ST8SIA6: variants seen among roughly 807,000 people sequenced by gnomAD.
ST8SIA6 encodes ST8 alpha-N-acetyl-neuraminide alpha-2,8-sialyltransferase 6, also known as alpha-2,8-sialyltransferase 8F.
In ST8SIA6, 39 loss-of-function variants were observed where a neutral mutation model predicts 33.6. The observed-to-expected ratio is 1.16, with a 90% CI of 0.90 to 1.52. ST8SIA6 has a LOEUF of 1.52. Ranked by LOEUF, ST8SIA6 falls within the 40% of genes most tolerant of loss-of-function variation. The pLI is 0.00. For synonymous variants in ST8SIA6, 172 were observed against 167.2 expected, an observed-to-expected ratio of 1.03 and a Z score of -0.22; for missense variants, 441 against 443.8, an observed-to-expected ratio of 0.99 and a Z score of 0.06.
chr10:17,453,755 G>A, intron 1 of ST8SIA6, 98 bp from the exon 2 acceptor site: 1 of 936,978 alleles, frequency 1.1e-6, no homozygotes, highest in Non-Finnish European at 1.4e-6. Flanking sequence ...GGGAGATCTC[G>A]CACTCCCCGG....
Position 17,331,521 on chromosome 10 carries a change from G to T in ST8SIA6, c.409C>A (p.Gln137Lys), listed in dbSNP as rs1371219452. 1.2e-6 allele frequency: 2 copies of T among 1,612,364 alleles called. No homozygotes were observed. Among genetic ancestry groups the T allele is most frequent in the East Asian group, 2.2e-5 (1 of 44,814 alleles). Reference protein sequence around the residue: ...AKLASCCDAVQNFVVSQNNTP... With the variant: ...AKLASCCDAVKNFVVSQNNTP... The stretch of plus-strand genomic sequence containing the variant: ...TTATTCTGAGAAACAACAAAGTTTT[G>T]AACAGCATCACAGCAGGAAGCAAGT... The change falls in exon 5 of 8, where the codon CAA becomes AAA. Residue 137 changes from glutamine to lysine, a missense_variant. By Grantham distance (53) the Gln-to-Lys change is moderately conservative (BLOSUM62 1). Coordinates refer to ENST00000377602, the MANE Select transcript of ST8SIA6 (RefSeq NM_001004470.3).
intron 2 of ST8SIA6, chr10:17,408,057 G>A (rs1851331430): frequency 6.6e-6 from 1 of 152,606 alleles, no homozygotes; most frequent in Non-Finnish European, 1.5e-5. Flanking sequence ...CAGTGGCATG[G>A]TTCAGTCTTC....
intron 2 of ST8SIA6, among the ~76,000 whole-genome samples, chr10:17,437,783 T>G (rs1852332906): frequency 6.6e-6 from 1 of 151,242 alleles, no homozygotes; most frequent in South Asian, 2.1e-4. Flanking sequence ...CAGGCTGGAG[T>G]GCAGTGGCCC....
chr10:17,373,237 G>A (rs939036964), intron 3 of ST8SIA6, among the ~76,000 whole-genome samples: 9 of 152,174 alleles, frequency 5.9e-5, no homozygotes, highest in Non-Finnish European at 1.2e-4. Context: ...GCTTATAGAG[G>A]CTGTGCACAA....
chr10:17,362,823 T>C (rs1033986509), intron 3 of ST8SIA6, among the ~76,000 whole-genome samples: 1 of 152,162 alleles, frequency 6.6e-6, no homozygotes, highest in Non-Finnish European at 1.5e-5. Context: ...GCTATTCTCC[T>C]GCCTCAGCCT....
At chr10:17,413,784 A>T (rs560857999) in intron 2 of ST8SIA6, among the ~76,000 whole-genome samples, 1 of 152,352 alleles carries the variant, frequency 6.6e-6, no homozygotes, top group South Asian at 2.1e-4. Flanking sequence ...AAAGAAATCA[A>T]GATCTGTTTT....
chr10:17,378,786 A>G (rs987613102), intron 3 of ST8SIA6, among the ~76,000 whole-genome samples: 4 of 152,180 alleles, frequency 2.6e-5, no homozygotes, highest in African/African-American at 9.7e-5. Flanking sequence ...GAGTCCTGGC[A>G]GGAATGATGG....
At position 17,359,609 on chromosome 10, in the gene ST8SIA6, T is replaced by G; in HGVS notation, c.291-9A>C. On this transcript the variant is annotated splice_polypyrimidine_tract_variant and intron_variant, in intron 3 of 7. Transcript: ENST00000377602. ...AGTCGTTCTCTGAATACCTAAAAAT[T>G]AAATGTCAATATAATTAGAAAATAA... 1 of 1,536,422 alleles carries G rather than the reference T, an allele frequency of 6.5e-7. No individual in the cohort carries two copies. Among genetic ancestry groups the G allele is most frequent in the Non-Finnish European group, 8.9e-7 (1 of 1,120,994 alleles).
intron 3 of ST8SIA6, among the ~76,000 whole-genome samples, chr10:17,380,169 G>A (rs533519615): frequency 5.8e-4 from 89 of 152,242 alleles, no homozygotes; most frequent in Middle Eastern, 3.4e-3. Context: ...CCTCCTTTAT[G>A]GACCTTGAGC....
At chr10:17,424,167 A>G (rs1224372487) in intron 2 of ST8SIA6, among the ~76,000 whole-genome samples, 1 of 150,300 alleles carries the variant, frequency 6.7e-6, no homozygotes, top group African/African-American at 2.5e-5. Context: ...GCAGTGGTGC[A>G]ATCTCAGCTC....
Position 17,321,041 on chromosome 10 carries a change from G to A in ST8SIA6, c.1034C>T (p.Pro345Leu), listed in dbSNP as rs771153802. The A allele has an allele frequency of 1.2e-6, 2 of 1,613,966 alleles. No individual in the cohort carries two copies. The highest frequency in any genetic ancestry group is 1.1e-5 in the South Asian group (1 of 91,072). The change falls in exon 8 of 8, where the codon CCC becomes CTC. Residue 345 changes from proline (P) to leucine (L), a missense_variant. By Grantham distance (98) the Pro-to-Leu change is moderately conservative (BLOSUM62 -3). Transcript: ENST00000377602. ...CKNVKLYGFW[P>L]FSKTVEDIPV... is the part of the protein sequence containing the mutation. ...TATGTCTTCTACAGTTTTAGAGAAG[G>A]GCCAGAATCCATACAGCTTCACATT...
chr10:17,323,246 C>T, intron 6 of ST8SIA6, 89 bp from the exon 7 acceptor site: 1 of 776,862 alleles, frequency 1.3e-6, no homozygotes, highest in South Asian at 1.8e-5. Flanking sequence ...CACACACACA[C>T]ACACCTATCT....
At chr10:17,420,013 C>T (rs367641081) in intron 2 of ST8SIA6, among the ~76,000 whole-genome samples, 2 of 152,204 alleles carry the variant, frequency 1.3e-5, no homozygotes, top group East Asian at 3.9e-4. Flanking sequence ...AATAGACACA[C>T]GTTTTCCAAA....
intron 2 of ST8SIA6, among the ~76,000 whole-genome samples, chr10:17,436,349 TC>T (rs1203554498): frequency 1.3e-5 from 2 of 152,178 alleles, no homozygotes; most frequent in African/African-American, 4.8e-5. Flanking sequence ...TGAGTAAGTC[TC>T]ACTAGATCTG....
At chr10:17,411,922 G>GTTTT (rs34919851) in intron 2 of ST8SIA6, among the ~76,000 whole-genome samples, 1 of 148,732 alleles carries the variant, frequency 6.7e-6, no homozygotes. Context: ...TTTAAGGAAT[G>GTTTT]TTTTTTTTTT....
chr10:17,355,087 A>G (rs1003907517), intron 4 of ST8SIA6, among the ~76,000 whole-genome samples: 1 of 152,234 alleles, frequency 6.6e-6, no homozygotes, highest in African/African-American at 2.4e-5. Context: ...AAAATTGCTG[A>G]GAAGATAGAC....
chr10:17,444,984 T>C (rs754906532), intron 2 of ST8SIA6, among the ~76,000 whole-genome samples: 1 of 152,204 alleles, frequency 6.6e-6, no homozygotes, highest in Non-Finnish European at 1.5e-5. Flanking sequence ...GTATCATTAC[T>C]TCAAAAAGCA....
chr10:17,354,839 A>C (rs1849143013), intron 4 of ST8SIA6, among the ~76,000 whole-genome samples: 1 of 152,188 alleles, frequency 6.6e-6, no homozygotes, highest in African/African-American at 2.4e-5. Context: ...CTTTTCCCAG[A>C]AACGTGTACA....
chr10:17,377,901 T>A (rs1454864105), intron 3 of ST8SIA6, among the ~76,000 whole-genome samples: 1 of 152,198 alleles, frequency 6.6e-6, no homozygotes, highest in Non-Finnish European at 1.5e-5. Context: ...GTAATAGCAC[T>A]GATTATGGAA....
Sources: gnomAD v4.1 joint callset for allele counts (sites outside exome capture counted in the v4.1 genomes callset) on GRCh38, gnomAD v4.1.1 for gene constraint, MANE v1.5 for transcripts, NCBI Gene and HGNC (gene_info 2026-07-23, HGNC 2026-07-21) for gene names.